CTNNA2: variants seen among roughly 807,000 people sequenced by gnomAD.
The protein encoded by CTNNA2 is catenin alpha-2.
In CTNNA2, 42 loss-of-function variants were observed where a neutral mutation model predicts 101.0. The ratio of observed to expected loss-of-function variants is 0.42; its 90% CI spans 0.32 to 0.54. The LOEUF is 0.54. Ranked by LOEUF, CTNNA2 falls within the 20% of genes least tolerant of loss-of-function variation. CTNNA2 has a pLI of 0.14. For synonymous variants in CTNNA2, 450 were observed against 456.4 expected (o/e 0.99, Z 0.18); for missense variants, 871 against 1,223.1 (o/e 0.71, Z 4.29).
intron 7 of CTNNA2, among the ~76,000 whole-genome samples, chr2:80,165,389 T>C (rs1395980612): frequency 6.6e-6 from 1 of 152,182 alleles, no homozygotes; most frequent in East Asian, 1.9e-4. Context: ...TAATTTTTGT[T>C]ATTGCATTGT....
intron 6 of CTNNA2, among the ~76,000 whole-genome samples, chr2:79,897,144 C>G (rs1299006601): frequency 6.6e-6 from 1 of 151,776 alleles, no homozygotes; most frequent in Non-Finnish European, 1.5e-5. Context: ...TTTGATATAA[C>G]TCACAAAATT....
At chr2:80,331,021 G>GGT (rs1559014558) in intron 7 of CTNNA2, among the ~76,000 whole-genome samples, 3 of 139,680 alleles carry the variant, frequency 2.1e-5, no homozygotes, top group African/African-American at 5.1e-5. Flanking sequence ...TAAACTGTAT[G>GGT]TTTTTTTTTT....
chr2:79,361,113 A>G (rs1226952946), intron 3 of CTNNA2, among the ~76,000 whole-genome samples: 1 of 152,312 alleles, frequency 6.6e-6, no homozygotes, highest in Middle Eastern at 3.4e-3. Context: ...TCTTGGGAAG[A>G]TCATTATTTT....
At chr2:79,825,279 T>C (rs1574066826) in intron 3 of CTNNA2, among the ~76,000 whole-genome samples, 1 of 152,308 alleles carries the variant, frequency 6.6e-6, no homozygotes, top group East Asian at 1.9e-4. Flanking sequence ...TGAATGCCAT[T>C]ACAGGACTTT....
chr2:79,583,696 C>A (rs955578514), intron 1 of CTNNA2, among the ~76,000 whole-genome samples: 1 of 152,030 alleles, frequency 6.6e-6, no homozygotes, highest in Non-Finnish European at 1.5e-5. Context: ...TTGTTATTTT[C>A]GGTAATTAAA....
At chr2:79,404,409 A>G (rs997279937) in intron 4 of CTNNA2, among the ~76,000 whole-genome samples, 3 of 152,012 alleles carry the variant, frequency 2.0e-5, no homozygotes, top group Non-Finnish European at 2.9e-5. Context: ...ACTTGGAGGT[A>G]ATTCTTCTAT....
chr2:79,418,146 T>C (rs1261188758), intron 4 of CTNNA2, among the ~76,000 whole-genome samples: 1 of 152,024 alleles, frequency 6.6e-6, no homozygotes. Context: ...GGATCACTGA[T>C]AATCAGAGCA....
chr2:79,286,794 G>T (rs1675604179), intron 2 of CTNNA2, among the ~76,000 whole-genome samples: 1 of 152,050 alleles, frequency 6.6e-6, no homozygotes, highest in Non-Finnish European at 1.5e-5. Context: ...GAATCTGAAT[G>T]TTGGCCTGCC....
chr2:79,513,577 C>A (rs908428964), intron 1 of CTNNA2, among the ~76,000 whole-genome samples: 1 of 152,038 alleles, frequency 6.6e-6, no homozygotes, highest in African/African-American at 2.4e-5. Context: ...TTCAGGGGTT[C>A]CAGAAAATTG....
intron 3 of CTNNA2, among the ~76,000 whole-genome samples, chr2:79,773,395 A>G (rs912272724): frequency 6.6e-6 from 1 of 152,146 alleles, no homozygotes; most frequent in Non-Finnish European, 1.5e-5. Context: ...TTTTAGGGAG[A>G]CCTGAGACAT....
At chr2:80,406,745 T>C (rs985667694) in intron 8 of CTNNA2, among the ~76,000 whole-genome samples, 6 of 141,914 alleles carry the variant, frequency 4.2e-5, no homozygotes, top group African/African-American at 1.6e-4. Context: ...GAGAATGGCG[T>C]GAACCCGGGA....
intron 4 of CTNNA2, among the ~76,000 whole-genome samples, chr2:79,464,034 T>C (rs917219865): frequency 6.6e-6 from 1 of 152,008 alleles, no homozygotes; most frequent in Non-Finnish European, 1.5e-5. Flanking sequence ...GTGCACAATA[T>C]GCAGGTTGGT....
intron 8 of CTNNA2, among the ~76,000 whole-genome samples, chr2:80,404,737 T>G (rs949663872): frequency 1.3e-5 from 2 of 152,188 alleles, no homozygotes; most frequent in Non-Finnish European, 2.9e-5. Flanking sequence ...TCAGGAATAT[T>G]AAGATGCCTT....
chr2:79,323,023 C>A (rs1166843690), intron 3 of CTNNA2, among the ~76,000 whole-genome samples: 3 of 152,110 alleles, frequency 2.0e-5, no homozygotes, highest in Admixed American at 2.0e-4. Context: ...GGGTATTTTC[C>A]CATGCTAGGA....
chr2:79,229,991 G>A (rs1419071580), intron 2 of CTNNA2, among the ~76,000 whole-genome samples: 2 of 152,208 alleles, frequency 1.3e-5, no homozygotes, highest in African/African-American at 4.8e-5. Flanking sequence ...AAGCACTCAG[G>A]ATGTAATTTG....
At chr2:79,765,473 G>A (rs923181296) in intron 3 of CTNNA2, among the ~76,000 whole-genome samples, 6 of 152,054 alleles carry the variant, frequency 3.9e-5, no homozygotes, top group African/African-American at 1.4e-4. Context: ...ATCGCCTGGG[G>A]AGCTTGTTAA....
At chr2:79,344,876 A>G (rs1274962483) in intron 3 of CTNNA2, among the ~76,000 whole-genome samples, 4 of 146,174 alleles carry the variant, frequency 2.7e-5, no homozygotes, top group South Asian at 4.2e-4. Flanking sequence ...ATATTTATAT[A>G]TATAATATAT....
At chr2:80,192,772 C>A (rs1318129791) in intron 7 of CTNNA2, among the ~76,000 whole-genome samples, 3 of 152,204 alleles carry the variant, frequency 2.0e-5, no homozygotes, top group Admixed American at 2.0e-4. Flanking sequence ...CTCGGCCTCC[C>A]AAAGTGATGG....
chr2:80,411,276 G>C (rs1387501709), intron 8 of CTNNA2, among the ~76,000 whole-genome samples: 1 of 152,120 alleles, frequency 6.6e-6, no homozygotes, highest in Non-Finnish European at 1.5e-5. Context: ...TAGACCACAA[G>C]TTCTCCTTTT....
Sources: gnomAD v4.1 joint callset for allele counts (sites outside exome capture counted in the v4.1 genomes callset) on GRCh38, gnomAD v4.1.1 for gene constraint, MANE v1.5 for transcripts, NCBI Gene and HGNC (gene_info 2026-07-23, HGNC 2026-07-21) for gene names.